ITPRIPL2: variants seen among roughly 807,000 people sequenced by gnomAD.
ITPRIPL2 encodes inositol 1,4,5-trisphosphate receptor-interacting protein-like 2.
ITPRIPL2 carries 29 observed loss-of-function variants against 31.7 expected under a neutral mutation model. The observed-to-expected ratio is 0.91, with a 90% CI of 0.68 to 1.25. ITPRIPL2 has a LOEUF of 1.25. Among genes scored for constraint, ITPRIPL2 ranks in the 50% most tolerant of loss-of-function variants. The probability of loss-of-function intolerance (pLI) is 0.00; values close to 1 mark genes in which losing one functional copy is unlikely to be tolerated. For synonymous variants in ITPRIPL2, 344 were observed against 343.4 expected (o/e 1.00, Z -0.02); for missense variants, 696 against 739.1 (o/e 0.94, Z 0.68).
Position 19,119,381 on chromosome 16 carries a change from G to A in ITPRIPL2, c.*3312G>A, listed in dbSNP as rs370065806. On this transcript the variant is annotated 3_prime_UTR_variant, in exon 1 of 1. Coordinates refer to ENST00000381440, the MANE Select transcript of ITPRIPL2 (RefSeq NM_001034841.4). Reference sequence around the variant, plus strand: ...GCAAACTCAGCAGCCTGTAGAAACAGGGGTGGGAGGTGGGGGGGAAGCTGT... The same window carrying A: ...GCAAACTCAGCAGCCTGTAGAAACAAGGGTGGGAGGTGGGGGGGAAGCTGT... 7.8e-5 allele frequency: 19 copies of A among 243,282 alleles called. No individual in the cohort carries two copies. The highest frequency in any genetic ancestry group is 1.5e-4 in the Non-Finnish European group (19 of 123,236). 15.1% of individuals were successfully genotyped at this position (243,282 alleles called of 1,614,324 possible). A position where few individuals can be genotyped will look rare whatever the true frequency, so the allele number is the denominator to read the frequency against.
rs993291436 is a variant in ITPRIPL2, at chr16:19,119,181, C to G, written c.*3112C>G. 2.4e-6 allele frequency: 1 copy of G among 412,036 alleles called. No individual in the cohort carries two copies. Among genetic ancestry groups the G allele is most frequent in the East Asian group, 3.6e-5 (1 of 28,046 alleles). 25.5% of individuals were successfully genotyped at this position (412,036 alleles called of 1,614,324 possible). ...TGTTTTTTGCAAAATGAAACTGAAG[C>G]TGAAAGAAAGGAGAATTCGAGTGAA... On this transcript the variant is annotated 3_prime_UTR_variant, in exon 1 of 1. Transcript: ENST00000381440.
chr16:19,116,022 C>G lies in ITPRIPL2; in HGVS notation c.1561C>G (p.Pro521Ala). 6.2e-7 allele frequency: 1 copy of G among 1,609,176 alleles called. No homozygotes were observed. The highest frequency in any genetic ancestry group is 8.5e-7 in the Non-Finnish European group (1 of 1,176,964). Residue 521 changes from proline to alanine, a missense_variant, in exon 1 of 1, where the codon CCA becomes GCA. Physicochemically the swap from Pro to Ala is conservative, Grantham distance 27. Transcript: ENST00000381440. ...TCCCCGCTACCTTGCCAGGTGCCCC[C>G]CACCCCGGAGTCAGCGCACCCAGGG... The part of the protein sequence containing the change: ...GGPRYLARCP[P>A]PRSQRTQGFL...
Position 19,114,978 on chromosome 16 carries a change from A to G in ITPRIPL2, c.517A>G (p.Ser173Gly), listed in dbSNP as rs756810996. Reference protein sequence around the residue: ...YEQHKIRRPDSFDVLVPLRLP... With the variant: ...YEQHKIRRPDGFDVLVPLRLP... ...GCAACATAAAATCCGCCGGCCCGAC[A>G]GCTTCGACGTGCTGGTGCCACTGCG... Residue 173 changes from serine (S) to glycine (G), a missense_variant, in exon 1 of 1, where the codon AGC (serine) becomes GGC (glycine). By Grantham distance (56) the Ser-to-Gly change is moderately conservative (BLOSUM62 0). Coordinates refer to ENST00000381440, the MANE Select transcript of ITPRIPL2 (RefSeq NM_001034841.4). 1.2e-6 allele frequency: 2 copies of G among 1,601,914 alleles called. No homozygotes were observed. The highest frequency in any genetic ancestry group is 1.1e-5 in the South Asian group (1 of 91,078).
rs1039763060 is a variant in ITPRIPL2 at position 19,120,978 on chromosome 16, A to T, written c.*4909A>T. 3.6e-5 allele frequency: 6 copies of T among 166,748 alleles called. No homozygotes were observed. Among genetic ancestry groups the T allele is most frequent in the Admixed American group, 1.3e-4 (2 of 15,258 alleles). 10.3% of individuals were successfully genotyped at this position (166,748 alleles called of 1,614,324 possible). ...GATGATTCAGTGGTGGGGAAAATGA[A>T]CCTCGGTAACATTTCCAATGTCCTT... On this transcript the variant is annotated 3_prime_UTR_variant, in exon 1 of 1. Coordinates refer to ENST00000381440, the MANE Select transcript of ITPRIPL2 (RefSeq NM_001034841.4).
Position 19,116,952 on chromosome 16 carries a change from G to C in ITPRIPL2, c.*883G>C, listed in dbSNP as rs1963452293. 5 of 167,126 alleles carry C rather than the reference G, an allele frequency of 3.0e-5. No individual in the cohort carries two copies. In the Admixed American group the frequency reaches 3.3e-4, roughly 11 times the overall value. The allele number at this position is 167,126 out of a possible 1,614,324, so 10.4% of individuals were successfully genotyped here. On this transcript the variant is annotated 3_prime_UTR_variant, in exon 1 of 1. Coordinates refer to ENST00000381440, the MANE Select transcript of ITPRIPL2 (RefSeq NM_001034841.4). ...ATTAAACTACCTACTACCAGCCAGA[G>C]ATGTCTGGAACCAAAGTAGCAACCA...
Position 19,116,040 on chromosome 16 carries a change from A to C in ITPRIPL2, c.1579A>C (p.Thr527Pro). 1 of 1,598,638 alleles carries C rather than the reference A, an allele frequency of 6.3e-7. No individual in the cohort carries two copies. The highest frequency in any genetic ancestry group is 8.5e-7 in the Non-Finnish European group (1 of 1,170,330). Residue 527 changes from threonine to proline, a missense_variant, in exon 1 of 1, where the codon ACC becomes CCC. Thr to Pro is a conservative substitution (Grantham distance 38, BLOSUM62 -1). Coordinates refer to ENST00000381440, the MANE Select transcript of ITPRIPL2 (RefSeq NM_001034841.4). ...GTGCCCCCCACCCCGGAGTCAGCGC[A>C]CCCAGGGCTTCCTTGAAGGTGAACC... ...ARCPPPRSQR[T>P]QGFLEGEP
In ITPRIPL2 at chr16:19,114,199, G is replaced by C; in HGVS notation, c.-263G>C. ...GGGGCGCCGGGCGGGGAGGGCCGCTGGGCCGGACTCAGCGCGCAGCCGGGG... is the reference window on the plus strand; with the variant it reads ...GGGGCGCCGGGCGGGGAGGGCCGCTCGGCCGGACTCAGCGCGCAGCCGGGG... On this transcript the variant is annotated 5_prime_UTR_variant, in exon 1 of 1. Transcript: ENST00000381440. 3.1e-6 allele frequency: 1 copy of C among 327,560 alleles called. No individual in the cohort carries two copies. Among genetic ancestry groups the C allele is most frequent in the Non-Finnish European group, 5.5e-6 (1 of 181,250 alleles). 20.3% of individuals were successfully genotyped at this position (327,560 alleles called of 1,614,324 possible).
rs1156365220 is a variant in ITPRIPL2, at chr16:19,116,871, C to T, written c.*802C>T. 6.0e-6 allele frequency: 1 copy of T among 167,114 alleles called. No individual in the cohort carries two copies. Among genetic ancestry groups the T allele is most frequent in the Non-Finnish European group, 1.5e-5 (1 of 68,126 alleles). 10.4% of individuals were successfully genotyped at this position (167,114 alleles called of 1,614,324 possible). ...AAAAGCAGCCAGCATGCTTGCCTAACTAACATCGCCGCAGGCCACAAGCTG... is the reference window on the plus strand; with the variant it reads ...AAAAGCAGCCAGCATGCTTGCCTAATTAACATCGCCGCAGGCCACAAGCTG... On this transcript the variant is annotated 3_prime_UTR_variant, in exon 1 of 1. Coordinates refer to ENST00000381440, the MANE Select transcript of ITPRIPL2 (RefSeq NM_001034841.4).
Position 19,114,752 on chromosome 16 carries a change from C to G in ITPRIPL2, c.291C>G (p.Leu97=). The part of the protein sequence containing the change: ...FSSRHFREPG[L]SILLESYYEH... Reference sequence around the variant, plus strand: ...CGAGACACTTCCGAGAGCCGGGCCTCAGCATCCTGCTGGAGAGTTACTACG... The same window carrying G: ...CGAGACACTTCCGAGAGCCGGGCCTGAGCATCCTGCTGGAGAGTTACTACG... The change falls in exon 1 of 1, where the codon CTC becomes CTG. Residue 97 remains leucine (L), a synonymous_variant. Coordinates refer to ENST00000381440, the MANE Select transcript of ITPRIPL2 (RefSeq NM_001034841.4). 6.2e-7 allele frequency: 1 copy of G among 1,612,712 alleles called. No homozygotes were observed. Among genetic ancestry groups the G allele is most frequent in the Non-Finnish European group, 8.5e-7 (1 of 1,179,882 alleles).
chr16:19,119,349 A>T lies in ITPRIPL2; in HGVS notation c.*3280A>T. On this transcript the variant is annotated 3_prime_UTR_variant, in exon 1 of 1. Transcript: ENST00000381440. ...CATGTTTTTAGTGCTATTTCCAACC[A>T]GGGGTCGCAAACTCAGCAGCCTGTA... The T allele has an allele frequency of 1.1e-4, 26 of 228,884 alleles. No homozygotes were observed. The highest frequency in any genetic ancestry group is 1.8e-4 in the Non-Finnish European group (20 of 108,312). 14.2% of individuals were successfully genotyped at this position (228,884 alleles called of 1,614,324 possible).
Position 19,115,193 on chromosome 16 carries a change from T to A in ITPRIPL2, c.732T>A (p.Arg244=), listed in dbSNP as rs1261221499. 1 of 1,607,716 alleles carries A rather than the reference T, an allele frequency of 6.2e-7. No homozygotes were observed. The highest frequency in any genetic ancestry group is 1.3e-5 in the African/African-American group (1 of 75,048). ...TCTGCGTGGATGTGCGCGGGCGGCG[T>A]CACCTCTCTGCTACTCTGGTGCTGC... ...DAFCVDVRGR[R]HLSATLVLRW... Residue 244 remains arginine (R), a synonymous_variant, in exon 1 of 1, where the codon CGT becomes CGA. Transcript: ENST00000381440.
At position 19,116,902 on chromosome 16, in the gene ITPRIPL2, T is replaced by C. The variant is rs959434451; in HGVS notation, c.*833T>C. On this transcript the variant is annotated 3_prime_UTR_variant, in exon 1 of 1. Coordinates refer to ENST00000381440, the MANE Select transcript of ITPRIPL2 (RefSeq NM_001034841.4). ...TCGCCGCAGGCCACAAGCTGGGATA[T>C]GTACCTGTCCGTCAACATCCATTCA... 1 of 167,130 alleles carries C rather than the reference T, an allele frequency of 6.0e-6. No individual in the cohort carries two copies. The highest frequency in any genetic ancestry group is 2.4e-5 in the African/African-American group (1 of 41,464). The allele number at this position is 167,130 out of a possible 1,614,324, so 10.4% of individuals were successfully genotyped here.
Position 19,121,137 on chromosome 16 carries a change from T to C in ITPRIPL2, c.*5068T>C, listed in dbSNP as rs1221281035. ...ACTGGGGGGATAAAGCATGTATAAG[T>C]TGGGAGAGGGTAAAGAATGTGTGAC... On this transcript the variant is annotated 3_prime_UTR_variant, in exon 1 of 1. Transcript: ENST00000381440. 1 of 166,888 alleles carries C rather than the reference T, an allele frequency of 6.0e-6. No homozygotes were observed. Among genetic ancestry groups the C allele is most frequent in the African/African-American group, 2.4e-5 (1 of 41,396 alleles). 10.3% of individuals were successfully genotyped at this position (166,888 alleles called of 1,614,324 possible).
chr16:19,114,503 C>T lies in ITPRIPL2; in HGVS notation c.42C>T (p.Pro14=). The change falls in exon 1 of 1, where the codon CCC becomes CCT. Residue 14 remains proline, a synonymous_variant. Transcript: ENST00000381440. ...CCCTCAATCTACGCGTCTTCTGGCC[C>T]CTGGTGACCGGCCTGTGCACCGCCC... ...HYTLNLRVFW[P]LVTGLCTALV... The T allele has an allele frequency of 2.8e-6, 4 of 1,453,998 alleles. No homozygotes were observed. Among genetic ancestry groups the T allele is most frequent in the East Asian group, 2.5e-5 (1 of 40,272 alleles). The allele number at this position is 1,453,998 out of a possible 1,614,324, so 90.1% of individuals were successfully genotyped here.
rs756063785 is a variant in ITPRIPL2 at position 19,115,460 on chromosome 16, C to A, written c.999C>A (p.Pro333=). ...APPPPPLPSA[P]LLELPEGLRA... ...CACCGCCACCCTTGCCCAGCGCGCC[C>A]CTGTTGGAGCTCCCTGAGGGCCTGC... Residue 333 remains proline, a synonymous_variant, in exon 1 of 1, where the codon CCC becomes CCA. Transcript: ENST00000381440. 1 of 1,608,946 alleles carries A rather than the reference C, an allele frequency of 6.2e-7. No homozygotes were observed. The highest frequency in any genetic ancestry group is 8.5e-7 in the Non-Finnish European group (1 of 1,179,960).
chr16:19,115,255 C>CTGTGCG lies in ITPRIPL2; in HGVS notation c.796_801dup (p.Val266_Arg267dup). 1 of 1,612,030 alleles carries CTGTGCG rather than the reference C, an allele frequency of 6.2e-7. No individual in the cohort carries two copies. The highest frequency in any genetic ancestry group is 8.5e-7 in the Non-Finnish European group (1 of 1,180,018). On this transcript the variant is annotated inframe_insertion, in exon 1 of 1. Transcript: ENST00000381440. ...TCGCATCTGCAGCGCTCCTTGGCCA[C>CTGTGCG]TGTGCGTTACAGCCTGGAGGGGCGC... is the stretch of plus-strand genomic sequence containing the variant.
rs759458241 is a variant in ITPRIPL2 at position 19,116,110 on chromosome 16, C to T, written c.*41C>T. 5 of 1,508,792 alleles carry T rather than the reference C, an allele frequency of 3.3e-6. No individual in the cohort carries two copies. The highest frequency in any genetic ancestry group is 4.5e-6 in the Non-Finnish European group (5 of 1,123,080). 93.5% of individuals were successfully genotyped at this position (1,508,792 alleles called of 1,614,324 possible). A position where few individuals can be genotyped will look rare whatever the true frequency, so the allele number is the denominator to read the frequency against. On this transcript the variant is annotated 3_prime_UTR_variant, in exon 1 of 1. Transcript: ENST00000381440. ...CCACCTGACCAAATGCTCCTAAAGC[C>T]TTTCCCACTGGGTGGGGGTGGGAAT...
chr16:19,115,947 T>C lies in ITPRIPL2; in HGVS notation c.1486T>C (p.Leu496=). ...CGCCCGGGAACTTGCAGCAGCGCGG[T>C]TGCTGTCCACGTGGCAAAGGCTGCC... ...GHARELAAAR[L]LSTWQRLPQL... The change falls in exon 1 of 1, where the codon TTG becomes CTG. Residue 496 remains leucine (L), a synonymous_variant. Transcript: ENST00000381440. 1 of 1,612,852 alleles carries C rather than the reference T, an allele frequency of 6.2e-7. No homozygotes were observed. Among genetic ancestry groups the C allele is most frequent in the Non-Finnish European group, 8.5e-7 (1 of 1,179,856 alleles).
At position 19,115,317 on chromosome 16, in the gene ITPRIPL2, C is replaced by G; in HGVS notation, c.856C>G (p.Pro286Ala). Residue 286 changes from proline (P) to alanine (A), a missense_variant, in exon 1 of 1, where the codon CCC becomes GCC. Coordinates refer to ENST00000381440, the MANE Select transcript of ITPRIPL2 (RefSeq NM_001034841.4). Reference protein sequence around the residue: ...VTLTPGGLEQPPTLHILPCRT... With the variant: ...VTLTPGGLEQAPTLHILPCRT... ...CTTGACCCCAGGTGGCCTGGAACAG[C>G]CCCCCACCTTACACATCTTGCCCTG... 1 of 1,613,324 alleles carries G rather than the reference C, an allele frequency of 6.2e-7. No individual in the cohort carries two copies. Among genetic ancestry groups the G allele is most frequent in the Middle Eastern group, 1.6e-4 (1 of 6,062 alleles).
Sources: allele counts gnomAD v4.1 joint callset, GRCh38; gene constraint gnomAD v4.1.1; transcripts MANE v1.5; gene names NCBI Gene and HGNC (gene_info 2026-07-23, HGNC 2026-07-21).